ZRANB3: variants seen among roughly 807,000 people sequenced by gnomAD.
The protein encoded by ZRANB3 is zinc finger RANBP2-type containing 3, also known as DNA annealing helicase and endonuclease ZRANB3.
ZRANB3 carries 125 observed loss-of-function variants against 133.8 expected under a neutral mutation model. The ratio of observed to expected loss-of-function variants is 0.93; its 90% CI spans 0.81 to 1.08. The LOEUF (loss-of-function observed/expected upper bound fraction) is 1.08, where lower values mean the gene tolerates loss of function less well. Ranked by LOEUF, ZRANB3 falls within the 50% of genes least tolerant of loss-of-function variation. ZRANB3 has a pLI of 0.00. For missense variants in ZRANB3, 1,229 were observed against 1,275.5 expected (o/e 0.96, Z 0.56); for synonymous variants, 387 against 432.7 (o/e 0.89, Z 1.31).
intron 1 of ZRANB3, among the ~76,000 whole-genome samples, chr2:135,523,266 T>A (rs553282005): frequency 6.6e-6 from 1 of 151,952 alleles, no homozygotes; most frequent in Admixed American, 6.6e-5. Context: ...TCTATCCTTT[T>A]CCCCCCCAAG....
rs567947964 is a variant in ZRANB3 at position 135,398,643 on chromosome 2, G to A, written c.162-7823C>T. On this transcript the variant is annotated intron_variant, in intron 2 of 20. Transcript: ENST00000264159. ...ACGCCATTCTCCTGCCTCAGCCTCCGGAGTAGCTGGCACTATAGGCGCCCG... is the reference window on the plus strand; with the variant it reads ...ACGCCATTCTCCTGCCTCAGCCTCCAGAGTAGCTGGCACTATAGGCGCCCG... Among the ~76,000 whole-genome samples, 128 of 149,674 alleles carry A rather than the reference G, an allele frequency of 8.6e-4. 3 individuals are homozygous for A. The South Asian group carries it at 0.024, about 28-fold the overall frequency.
At chr2:135,413,110 T>C (rs917338871) in intron 2 of ZRANB3, among the ~76,000 whole-genome samples, 2 of 152,200 alleles carry the variant, frequency 1.3e-5, no homozygotes, top group Non-Finnish European at 2.9e-5. Flanking sequence ...TATAGGCTGC[T>C]TCACATAAAG....
chr2:135,202,734 A>C, intron 20 of ZRANB3, 98 bp downstream of exon 20: 48 of 1,386,216 alleles, frequency 3.5e-5, no homozygotes, highest in Non-Finnish European at 4.3e-5. Flanking sequence ...ATCTCAGACC[A>C]GAGATAAATT....
intron 1 of ZRANB3, among the ~76,000 whole-genome samples, chr2:135,513,694 T>C (rs1186126903): frequency 1.3e-5 from 2 of 152,222 alleles, no homozygotes; most frequent in Non-Finnish European, 2.9e-5. Context: ...CATGAAGTCT[T>C]TGAACATGCC....
chr2:135,415,804 T>C (rs1414191793), intron 2 of ZRANB3, among the ~76,000 whole-genome samples: 1 of 152,130 alleles, frequency 6.6e-6, no homozygotes, highest in Admixed American at 6.6e-5. Context: ...TGGTTCAATA[T>C]ACACAAATCA....
chr2:135,333,475 G>A (rs1048361159), intron 6 of ZRANB3, among the ~76,000 whole-genome samples: 9 of 152,222 alleles, frequency 5.9e-5, no homozygotes, highest in Middle Eastern at 3.4e-3. Context: ...ACATACAGTC[G>A]CCTATAGGGA....
chr2:135,319,313 T>C (rs965367620), intron 6 of ZRANB3, among the ~76,000 whole-genome samples: 2 of 152,182 alleles, frequency 1.3e-5, no homozygotes, highest in Non-Finnish European at 2.9e-5. Flanking sequence ...ACTTATCACA[T>C]CTATAATGTT....
chr2:135,360,797 T>C (rs898726482), intron 3 of ZRANB3, among the ~76,000 whole-genome samples: 1 of 152,242 alleles, frequency 6.6e-6, no homozygotes, highest in Non-Finnish European at 1.5e-5. Context: ...AGGCTCTCAC[T>C]GTCACCCAGG....
intron 6 of ZRANB3, among the ~76,000 whole-genome samples, chr2:135,315,996 A>T (rs1157943524): frequency 6.6e-6 from 1 of 152,214 alleles, no homozygotes; most frequent in Non-Finnish European, 1.5e-5. Flanking sequence ...GGGCTGTTAA[A>T]GCATAGCAGA....
chr2:135,206,778 G>A (rs1381083092), intron 19 of ZRANB3, among the ~76,000 whole-genome samples: 1 of 151,606 alleles, frequency 6.6e-6, no homozygotes, highest in Non-Finnish European at 1.5e-5. Flanking sequence ...AGGAAAAGAA[G>A]GATAGAAGGA....
chr2:135,448,108 G>C (rs897920915), intron 2 of ZRANB3, among the ~76,000 whole-genome samples: 2 of 152,116 alleles, frequency 1.3e-5, no homozygotes, highest in Non-Finnish European at 2.9e-5. Flanking sequence ...TTAATATTTA[G>C]TATTTTAGAG....
At chr2:135,415,859 CAT>C (rs1329042008) in intron 2 of ZRANB3, among the ~76,000 whole-genome samples, 3 of 152,148 alleles carry the variant, frequency 2.0e-5, no homozygotes, top group South Asian at 2.1e-4. Context: ...ACAAAAACCA[CAT>C]GATTATCTTA....
chr2:135,380,606 T>A (rs1001610270), intron 3 of ZRANB3, among the ~76,000 whole-genome samples: 7 of 152,152 alleles, frequency 4.6e-5, no homozygotes, highest in Non-Finnish European at 8.8e-5. Flanking sequence ...AGATGTTATT[T>A]GAAACCAATG....
At chr2:135,234,261 G>A (rs566517369) in intron 12 of ZRANB3, among the ~76,000 whole-genome samples, 12 of 152,220 alleles carry the variant, frequency 7.9e-5, no homozygotes, top group African/African-American at 2.6e-4. Flanking sequence ...AAATATATAC[G>A]CACCCAATAC....
At chr2:135,276,752 T>C (rs2105127675) in intron 8 of ZRANB3, among the ~76,000 whole-genome samples, 1 of 152,244 alleles carries the variant, frequency 6.6e-6, no homozygotes, top group East Asian at 1.9e-4. Context: ...AAAAAGCAGA[T>C]AATGACTGAT....
At chr2:135,395,584 A>G (rs1288611471) in intron 2 of ZRANB3, among the ~76,000 whole-genome samples, 1 of 151,580 alleles carries the variant, frequency 6.6e-6, no homozygotes, top group Non-Finnish European at 1.5e-5. Flanking sequence ...CAGCCTCCTG[A>G]GTAGCTAGGA....
intron 19 of ZRANB3, among the ~76,000 whole-genome samples, chr2:135,204,716 T>TTATTATATATTATAAATATATATTTA (rs1693785260): frequency 4.1e-5 from 6 of 145,144 alleles, no homozygotes; most frequent in African/African-American, 1.5e-4. Flanking sequence ...ATTATATGTT[T>TTATTATATATTATAAATATATATTTA]TATTATATAT....
intron 19 of ZRANB3, among the ~76,000 whole-genome samples, chr2:135,204,402 C>G (rs1419553024): frequency 1.3e-5 from 2 of 151,992 alleles, no homozygotes; most frequent in African/African-American, 4.8e-5. Flanking sequence ...CCCACTCTGA[C>G]AGACTCAATA....
At chr2:135,488,346 A>G (rs926847355) in intron 2 of ZRANB3, among the ~76,000 whole-genome samples, 1 of 152,230 alleles carries the variant, frequency 6.6e-6, no homozygotes, top group African/African-American at 2.4e-5. Flanking sequence ...ACACAAACTT[A>G]ACACATACTG....
Sources: gnomAD v4.1 joint callset for allele counts (sites outside exome capture counted in the v4.1 genomes callset) on GRCh38, gnomAD v4.1.1 for gene constraint, MANE v1.5 for transcripts, NCBI Gene and HGNC (gene_info 2026-07-23, HGNC 2026-07-21) for gene names.